The following PTK2 variants were observed in gnomAD, a reference collection of about 807,000 sequenced individuals.
PTK2 encodes the protein protein tyrosine kinase 2, also known as focal adhesion kinase 1.
PTK2 carries 45 observed loss-of-function variants against 150.1 expected under a neutral mutation model. That is an observed-to-expected ratio of 0.30 (90% CI 0.24 to 0.38). The LOEUF is 0.38. Among genes scored for constraint, PTK2 ranks in the 10% least tolerant of loss-of-function variants. The probability of loss-of-function intolerance (pLI) is 1.00; values close to 1 mark genes in which losing one functional copy is unlikely to be tolerated. For synonymous variants in PTK2, 432 were observed against 449.2 expected (o/e 0.96, Z 0.48); for missense variants, 919 against 1,307.3 (o/e 0.70, Z 4.58).
At chr8:140,681,770 C>G (rs1445001873) in intron 27 of PTK2, among the ~76,000 whole-genome samples, 2 of 151,956 alleles carry the variant, frequency 1.3e-5, no homozygotes. Flanking sequence ...GAGCGAGACT[C>G]CGTCTCAAAA....
At chr8:140,674,352 C>G in exon 29 of PTK2, 1 of 1,608,056 alleles carries the variant, frequency 6.2e-7, no homozygotes. Flanking sequence ...CAAGGCTTCC[C>G]AGATGACCGG....
intron 1 of PTK2, among the ~76,000 whole-genome samples, chr8:140,936,125 C>T (rs1160033776): frequency 1.3e-5 from 2 of 152,054 alleles, no homozygotes; most frequent in African/African-American, 4.8e-5. Flanking sequence ...AGTGCTATTG[C>T]CCTCCAGCCT....
chr8:140,679,905 C>A (rs935443904), intron 27 of PTK2, among the ~76,000 whole-genome samples: 14 of 152,160 alleles, frequency 9.2e-5, no homozygotes, highest in African/African-American at 3.4e-4. Flanking sequence ...AAATTATCAT[C>A]TTTAGGAAAG....
intron 1 of PTK2, among the ~76,000 whole-genome samples, chr8:140,997,087 G>A (rs1041812966): frequency 1.3e-5 from 2 of 152,154 alleles, no homozygotes; most frequent in Admixed American, 6.5e-5. Context: ...CAACCGTCAT[G>A]GATAACTCTG....
chr8:140,955,806 G>C (rs1236981101), intron 1 of PTK2, among the ~76,000 whole-genome samples: 2 of 152,186 alleles, frequency 1.3e-5, no homozygotes, highest in Admixed American at 1.3e-4. Flanking sequence ...TTCAGAACTG[G>C]CAGCACTAAA....
intron 24 of PTK2, among the ~76,000 whole-genome samples, chr8:140,704,257 G>A (rs986262059): frequency 2.0e-5 from 3 of 152,148 alleles, no homozygotes; most frequent in African/African-American, 7.2e-5. Flanking sequence ...GTAACATCAG[G>A]AAATGTCTCA....
At chr8:140,857,380 C>T (rs775621925) in intron 5 of PTK2, among the ~76,000 whole-genome samples, 2 of 152,134 alleles carry the variant, frequency 1.3e-5, no homozygotes, top group Non-Finnish European at 2.9e-5. Flanking sequence ...ATCAGCTCCT[C>T]GAATCTCCAA....
chr8:140,945,980 C>T (rs1291337854), intron 1 of PTK2, among the ~76,000 whole-genome samples: 2 of 152,142 alleles, frequency 1.3e-5, no homozygotes, highest in South Asian at 2.1e-4. Flanking sequence ...TACCTGTTCT[C>T]GCCTTATTTT....
chr8:140,857,461 A>G (rs1345411828), intron 5 of PTK2, among the ~76,000 whole-genome samples: 1 of 152,204 alleles, frequency 6.6e-6, no homozygotes, highest in Non-Finnish European at 1.5e-5. Flanking sequence ...TAACAATTCA[A>G]TGACTTAGGA....
intron 1 of PTK2, among the ~76,000 whole-genome samples, chr8:141,000,227 G>C (rs1163635012): frequency 1.3e-5 from 2 of 152,168 alleles, no homozygotes; most frequent in African/African-American, 2.4e-5. Context: ...TCGGGGGCTG[G>C]GGGCGGGGAA....
chr8:140,830,086 C>CACACACACGCACACACAT (rs2154602850), intron 8 of PTK2, among the ~76,000 whole-genome samples: 1 of 29,456 alleles, frequency 3.4e-5, no homozygotes, highest in African/African-American at 4.4e-4. Flanking sequence ...CACACACATA[C>CACACACACGCACACACAT]ACACACACAC....
At chr8:140,672,221 G>A in intron 29 of PTK2, 3 of 438,042 alleles carry the variant, frequency 6.8e-6, no homozygotes, top group South Asian at 4.9e-5. Context: ...AAGAGATGGG[G>A]TCTCACTATG....
exon 8 of PTK2, chr8:140,830,511 T>C: frequency 6.5e-7 from 1 of 1,534,600 alleles, no homozygotes; most frequent in East Asian, 2.3e-5. Context: ...AAAATCGCTT[T>C]AAACCAACAT....
chr8:140,844,292 CCTTATTATA>C (rs768342505), intron 7 of PTK2, among the ~76,000 whole-genome samples: 6 of 152,152 alleles, frequency 3.9e-5, no homozygotes, highest in Non-Finnish European at 7.4e-5. Context: ...CACTTCCTTT[CCTTATTATA>C]CTCTTTAGAA....
At chr8:140,764,090 G>A (rs936301830) in intron 15 of PTK2, 144 bp downstream of exon 17, 5 of 776,748 alleles carry the variant, frequency 6.4e-6, no homozygotes, top group Admixed American at 1.8e-5. Context: ...AATATAGAAT[G>A]GTAAAGGTTG....
At chr8:140,830,084 T>TACACACAC (rs67413157) in intron 8 of PTK2, among the ~76,000 whole-genome samples, 8 of 149,286 alleles carry the variant, frequency 5.4e-5, no homozygotes, top group East Asian at 2.0e-4. Flanking sequence ...CGCACACACA[T>TACACACAC]ACACACACAC....
exon 2 of PTK2, chr8:140,925,692 G>A: frequency 1.0e-6 from 1 of 984,666 alleles, no homozygotes; most frequent in South Asian, 4.7e-5. Context: ...GAGCTCTGGG[G>A]AAACTGCAGA....
intron 19 of PTK2, 28 bp from the exon 23 acceptor site, chr8:140,743,358 G>C: frequency 6.4e-7 from 1 of 1,571,926 alleles, no homozygotes; most frequent in Non-Finnish European, 8.7e-7. Flanking sequence ...GAGACAATAA[G>C]ACTTAAAATA....
At chr8:140,745,568 G>A (rs1203972061) in intron 18 of PTK2, among the ~76,000 whole-genome samples, 1 of 152,186 alleles carries the variant, frequency 6.6e-6, no homozygotes, top group African/African-American at 2.4e-5. Flanking sequence ...TGCTCCCCCG[G>A]CCCAGTGTTT....
Sources: gnomAD v4.1 joint callset for allele counts (sites outside exome capture counted in the v4.1 genomes callset) on GRCh38, gnomAD v4.1.1 for gene constraint, MANE v1.5 for transcripts, NCBI Gene and HGNC (gene_info 2026-07-23, HGNC 2026-07-21) for gene names.